NKAIN2: variants seen among roughly 807,000 people sequenced by gnomAD.
The protein encoded by NKAIN2 is sodium/potassium transporting ATPase interacting 2, also known as sodium/potassium-transporting ATPase subunit beta-1-interacting protein 2.
Under a neutral mutation model 32.6 loss-of-function variants are expected in NKAIN2, and 14 were observed. That is an observed-to-expected ratio of 0.43 (90% CI 0.28 to 0.67). The LOEUF (loss-of-function observed/expected upper bound fraction) is 0.67, where lower values mean the gene tolerates loss of function less well. NKAIN2 is among the 30% of genes least tolerant of loss of function. The probability of loss-of-function intolerance (pLI) is 0.17; values close to 1 mark genes in which losing one functional copy is unlikely to be tolerated. For missense variants in NKAIN2, 198 were observed against 258.3 expected (o/e 0.77, Z 1.60); for synonymous variants, 80 against 87.2 (o/e 0.92, Z 0.46).
chr6:124,087,206 A>T (rs1164185334), intron 1 of NKAIN2, among the ~76,000 whole-genome samples: 1 of 151,998 alleles, frequency 6.6e-6, no homozygotes, highest in Non-Finnish European at 1.5e-5. Flanking sequence ...CATGAAAAGT[A>T]TTTGACAAAA....
At chr6:123,958,483 T>C (rs2114605333) in intron 1 of NKAIN2, among the ~76,000 whole-genome samples, 1 of 152,350 alleles carries the variant, frequency 6.6e-6, no homozygotes, top group Admixed American at 6.5e-5. Context: ...TGGATTCATG[T>C]GTCCTCACAT....
intron 2 of NKAIN2, among the ~76,000 whole-genome samples, chr6:124,287,744 G>T (rs1795620978): frequency 6.6e-6 from 1 of 152,110 alleles, no homozygotes; most frequent in African/African-American, 2.4e-5. Flanking sequence ...ATCATTTGGG[G>T]AAGTAGAATG....
intron 3 of NKAIN2, among the ~76,000 whole-genome samples, chr6:124,515,276 G>T (rs1778860914): frequency 6.6e-6 from 1 of 151,976 alleles, no homozygotes; most frequent in African/African-American, 2.4e-5. Context: ...AGGTCTATTT[G>T]GCTCATAATT....
At chr6:124,083,305 A>G (rs1784055913) in intron 1 of NKAIN2, among the ~76,000 whole-genome samples, 1 of 151,926 alleles carries the variant, frequency 6.6e-6, no homozygotes, top group Admixed American at 6.6e-5. Flanking sequence ...AACTAAATCC[A>G]TGCATAACAT....
intron 1 of NKAIN2, among the ~76,000 whole-genome samples, chr6:124,216,153 C>T (rs1455396298): frequency 1.3e-5 from 2 of 149,588 alleles, no homozygotes; most frequent in African/African-American, 4.9e-5. Flanking sequence ...ACAGACCACA[C>T]ACTCAGTCTA....
chr6:123,812,395 A>G (rs986355918), intron 1 of NKAIN2, among the ~76,000 whole-genome samples: 3 of 152,350 alleles, frequency 2.0e-5, no homozygotes, highest in Middle Eastern at 3.4e-3. Context: ...AATATAGAAT[A>G]TTATCAAGTT....
intron 3 of NKAIN2, among the ~76,000 whole-genome samples, chr6:124,556,882 T>C (rs1780496327): frequency 6.6e-6 from 1 of 152,206 alleles, no homozygotes; most frequent in African/African-American, 2.4e-5. Context: ...ACCAAGAACA[T>C]TTCCATTTTA....
At chr6:123,990,675 G>A (rs929798866) in intron 1 of NKAIN2, among the ~76,000 whole-genome samples, 13 of 152,288 alleles carry the variant, frequency 8.5e-5, no homozygotes, top group African/African-American at 2.9e-4. Context: ...CATATGTCTG[G>A]TGGTGCTGTT....
At chr6:123,954,252 T>C (rs2114593030) in intron 1 of NKAIN2, among the ~76,000 whole-genome samples, 1 of 152,172 alleles carries the variant, frequency 6.6e-6, no homozygotes, top group East Asian at 1.9e-4. Flanking sequence ...GGACTCGGGG[T>C]GTGTGTGGGA....
intron 3 of NKAIN2, among the ~76,000 whole-genome samples, chr6:124,457,685 T>C (rs1029353751): frequency 2.0e-5 from 3 of 151,924 alleles, no homozygotes; most frequent in African/African-American, 7.2e-5. Flanking sequence ...TACACATTAT[T>C]AACACCCATT....
rs758203118 is a variant in NKAIN2 at position 124,615,239 on chromosome 6, CAT to C, written c.274-42946_274-42945del. Among the ~76,000 whole-genome samples the C allele has an allele frequency of 3.3e-5, 5 of 152,104 alleles. 1 individual carries two copies. In the East Asian group the frequency reaches 7.7e-4, roughly 23 times the overall value. On this transcript the variant is annotated intron_variant, in intron 3 of 6. Coordinates refer to ENST00000368417, the MANE Select transcript of NKAIN2 (RefSeq NM_001040214.3). ...AGATACCATGTGTATTTTAGTTACA[CAT>C]GTTACAAGCCTCAAAACACAATTTT... is the stretch of plus-strand genomic sequence containing the variant.
chr6:123,987,132 A>G (rs755744740), intron 1 of NKAIN2, among the ~76,000 whole-genome samples: 13 of 152,204 alleles, frequency 8.5e-5, no homozygotes, highest in Non-Finnish European at 1.5e-4. Flanking sequence ...TACTTCACTC[A>G]TAGTTCAAAA....
intron 1 of NKAIN2, among the ~76,000 whole-genome samples, chr6:124,194,653 G>C (rs555492662): frequency 6.6e-6 from 1 of 151,882 alleles, no homozygotes; most frequent in African/African-American, 2.4e-5. Context: ...GATGGCTTAG[G>C]TATTTATTGA....
At chr6:124,692,460 T>TC (rs1774303380) in intron 4 of NKAIN2, among the ~76,000 whole-genome samples, 1 of 152,196 alleles carries the variant, frequency 6.6e-6, no homozygotes, top group Admixed American at 6.5e-5. Flanking sequence ...GTTATTTTTT[T>TC]CACAGTCACT....
chr6:124,273,851 G>A (rs74693549), intron 1 of NKAIN2, among the ~76,000 whole-genome samples: 4,281 of 152,200 alleles, frequency 0.028, 175 homozygotes, highest in African/African-American at 0.091. Flanking sequence ...TTAAATGGAC[G>A]CATTATATTT....
At chr6:124,533,295 C>T (rs1562242094) in intron 3 of NKAIN2, among the ~76,000 whole-genome samples, 1 of 151,602 alleles carries the variant, frequency 6.6e-6, no homozygotes, top group South Asian at 2.1e-4. Context: ...CACGGTGAAA[C>T]CCCGTCTGTA....
intron 2 of NKAIN2, among the ~76,000 whole-genome samples, chr6:124,324,892 C>G (rs987487712): frequency 6.6e-6 from 1 of 151,966 alleles, no homozygotes; most frequent in African/African-American, 2.4e-5. Context: ...TGAATAAACA[C>G]TACTTGGTCA....
intron 1 of NKAIN2, among the ~76,000 whole-genome samples, chr6:123,837,558 T>C (rs554876612): frequency 6.6e-6 from 1 of 150,486 alleles, no homozygotes; most frequent in South Asian, 2.1e-4. Flanking sequence ...TTCCCTTTTG[T>C]AACTGTTTGA....
intron 4 of NKAIN2, among the ~76,000 whole-genome samples, chr6:124,764,499 C>A (rs1171214547): frequency 6.6e-6 from 1 of 152,040 alleles, no homozygotes; most frequent in African/African-American, 2.4e-5. Context: ...TGAGAAGCAG[C>A]CCGTAAGCTA....
Sources: gnomAD v4.1 joint callset for allele counts (sites outside exome capture counted in the v4.1 genomes callset) on GRCh38, gnomAD v4.1.1 for gene constraint, MANE v1.5 for transcripts, NCBI Gene and HGNC (gene_info 2026-07-23, HGNC 2026-07-21) for gene names.